The following RPS6KA2 variants were observed in gnomAD, a reference collection of about 807,000 sequenced individuals.
RPS6KA2 encodes ribosomal protein S6 kinase alpha-2.
RPS6KA2 carries 42 observed loss-of-function variants against 91.8 expected under a neutral mutation model. That is an observed-to-expected ratio of 0.46 (90% CI 0.36 to 0.59). RPS6KA2 has a LOEUF of 0.59. Among genes scored for constraint, RPS6KA2 ranks in the 20% least tolerant of loss-of-function variants. The pLI is 0.00. For synonymous variants in RPS6KA2, 414 were observed against 393.6 expected (o/e 1.05, Z -0.61); for missense variants, 798 against 978.5 (o/e 0.82, Z 2.46).
intron 2 of RPS6KA2, among the ~76,000 whole-genome samples, chr6:166,719,566 A>C (rs1304832943): frequency 1.3e-5 from 2 of 152,226 alleles, no homozygotes; most frequent in African/African-American, 2.4e-5. Context: ...CTATGAAAAT[A>C]CATCTATTTT....
Position 166,626,740 on chromosome 6 carries a change from A to G in RPS6KA2, c.99+181T>C, listed in dbSNP as rs1786894534. ...AGGACCCACGGACCGCCCAATTACT[A>G]CGGAGTCCCAGCGATAACGTTTGGA... On this transcript the variant is annotated intron_variant, in intron 1 of 20. Transcript: ENST00000265678. The surrounding 1 kb of genome is among the most constrained non-coding windows in gnomAD (Gnocchi z 4.1). Among the ~76,000 whole-genome samples, 1 of 151,942 alleles carries G rather than the reference A, an allele frequency of 6.6e-6. No individual in the cohort carries two copies. Among genetic ancestry groups the G allele is most frequent in the Admixed American group, 6.5e-5 (1 of 15,280 alleles).
chr6:166,470,614 T>C (rs1052905266), intron 10 of RPS6KA2, among the ~76,000 whole-genome samples: 2 of 152,164 alleles, frequency 1.3e-5, no homozygotes, highest in Non-Finnish European at 2.9e-5. Context: ...CATGATTCCC[T>C]AACGGTGGAT....
chr6:166,799,418 T>C lies in RPS6KA2; in HGVS notation c.123+58782A>G, dbSNP rs1311543206. Among the ~76,000 whole-genome samples the C allele has an allele frequency of 2.6e-5, 4 of 152,364 alleles. No individual in the cohort carries two copies. The East Asian group carries it at 5.8e-4, about 22-fold the overall frequency. On this transcript the variant is annotated intron_variant, in intron 2 of 21. Transcript: ENST00000503859. ...ATTTAAAAAATACATTCAATTTATA[T>C]ACAGATTTTTTACTGTAAGAATGTA...
chr6:166,823,434 AGTGTGTGTGTGTGTGTGT>A (rs56187218), intron 2 of RPS6KA2, among the ~76,000 whole-genome samples: 36 of 147,984 alleles, frequency 2.4e-4, no homozygotes, highest in South Asian at 4.3e-4. Flanking sequence ...TTGGTTTTGC[AGTGTGTGTGTGTGTGTGT>A]GTGTGTGTGT....
At chr6:166,496,365 T>A (rs59010370) in intron 8 of RPS6KA2, among the ~76,000 whole-genome samples, 6 of 83,898 alleles carry the variant, frequency 7.2e-5, no homozygotes, top group Non-Finnish European at 1.4e-4. Context: ...CAATAAAAAA[T>A]TAAAAAATAA....
intron 2 of RPS6KA2, among the ~76,000 whole-genome samples, chr6:166,534,115 G>A (rs1012841679): frequency 2.0e-5 from 3 of 151,014 alleles, no homozygotes; most frequent in Non-Finnish European, 4.4e-5. Context: ...TCAGCTACTC[G>A]AGAGGCTGAG....
intron 11 of RPS6KA2, among the ~76,000 whole-genome samples, chr6:166,460,314 C>T (rs1780232832): frequency 6.6e-6 from 1 of 152,256 alleles, no homozygotes; most frequent in South Asian, 2.1e-4. Context: ...CTTTCCAAAG[C>T]TGAGATGTGT....
In RPS6KA2 at chr6:166,451,170, G is replaced by A; in HGVS notation, c.1139C>T (p.Ala380Val). 1 of 1,614,126 alleles carries A rather than the reference G, an allele frequency of 6.2e-7. No homozygotes were observed. Among genetic ancestry groups the A allele is most frequent in the Non-Finnish European group, 8.5e-7 (1 of 1,180,012 alleles). Residue 380 changes from alanine to valine, a missense_variant, in exon 13 of 21, where the codon GCC becomes GTC. Ala to Val is a moderately conservative substitution (Grantham distance 64, BLOSUM62 0). Transcript: ENST00000265678. ...HHLFRGFSFV[A>V]SSLIQEPSQQ... Reference sequence around the variant, plus strand: ...TGAGGGCTCCTGGATCAGGCTTGAGGCCACAAAGCTGAATCCTCTAAACAG... The same window carrying A: ...TGAGGGCTCCTGGATCAGGCTTGAGACCACAAAGCTGAATCCTCTAAACAG...
intron 1 of RPS6KA2, among the ~76,000 whole-genome samples, chr6:166,572,071 TCA>T (rs1384272785): frequency 6.6e-6 from 1 of 152,192 alleles, no homozygotes; most frequent in Non-Finnish European, 1.5e-5. Flanking sequence ...ACTATAATAC[TCA>T]GTTTCATTTT....
chr6:166,734,299 T>A (rs530924975), intron 2 of RPS6KA2, among the ~76,000 whole-genome samples: 132 of 152,352 alleles, frequency 8.7e-4, no homozygotes, highest in Non-Finnish European at 1.7e-3. Flanking sequence ...AGCAGGGGTC[T>A]AAGATGTTGA....
intron 10 of RPS6KA2, among the ~76,000 whole-genome samples, chr6:166,480,027 C>T (rs1238828405): frequency 6.6e-6 from 1 of 152,116 alleles, no homozygotes; most frequent in Non-Finnish European, 1.5e-5. Flanking sequence ...TGGGTTTCAG[C>T]TTCCATATCT....
chr6:166,725,574 C>T (rs942759094), intron 2 of RPS6KA2, among the ~76,000 whole-genome samples: 1 of 152,092 alleles, frequency 6.6e-6, no homozygotes, highest in African/African-American at 2.4e-5. Context: ...GTGGGTGCCT[C>T]GAAGGGAGGT....
At position 166,731,587 on chromosome 6, in the gene RPS6KA2, T is replaced by C. The variant is rs116401408; in HGVS notation, c.123+126613A>G. On this transcript the variant is annotated intron_variant, in intron 2 of 21. Transcript: ENST00000503859. ...AATGACCTCTAGCTCTCCAGAAAGA[T>C]GCTTTGAAGACAAAGCAGGACAGAG... Among the ~76,000 whole-genome samples, 378 of 152,168 alleles carry C rather than the reference T, an allele frequency of 2.5e-3. 3 individuals are homozygous for C. Among genetic ancestry groups the C allele is most frequent in the African/African-American group, 8.8e-3 (364 of 41,512 alleles).
chr6:166,862,497 C>T, exon 1 of RPS6KA2: 1 of 648,180 alleles, frequency 1.5e-6, no homozygotes, highest in South Asian at 2.3e-5. Context: ...GCTGCGGCTT[C>T]GGAATCTGTA....
chr6:166,450,070 AC>A (rs1228453219), intron 13 of RPS6KA2, among the ~76,000 whole-genome samples: 3 of 94,762 alleles, frequency 3.2e-5, no homozygotes, highest in Non-Finnish European at 7.2e-5. Flanking sequence ...ACCGTAGGAG[AC>A]CATCATGGGT....
At position 166,538,701 on chromosome 6, in the gene RPS6KA2, C is replaced by G; in HGVS notation, c.183G>C (p.Leu61=). The change falls in exon 2 of 21, where the codon CTG becomes CTC. Residue 61 remains leucine, a synonymous_variant. Transcript: ENST00000265678. ...AGGATCCTTGTCCTAAAACCTTCAG[C>G]AGCTCAAACTGGGAAGGATCTGCCT... ...FEKADPSQFE[L]LKVLGQGSYG... is the part of the protein sequence containing the mutation. 6.2e-7 allele frequency: 1 copy of G among 1,610,444 alleles called. No homozygotes were observed. Among genetic ancestry groups the G allele is most frequent in the Non-Finnish European group, 8.5e-7 (1 of 1,176,758 alleles).
rs989243337 is a variant in RPS6KA2, at chr6:166,714,704, G to C, written c.123+143496C>G. ...AAGCAAAGAGAAGGGCCTGGAACAG[G>C]CTGTCCCTCCCCGCCTCAGCAGGAG... On this transcript the variant is annotated intron_variant, in intron 2 of 21. Transcript: ENST00000503859. Among the ~76,000 whole-genome samples, 4 of 152,206 alleles carry C rather than the reference G, an allele frequency of 2.6e-5. No individual in the cohort carries two copies. The East Asian group carries it at 5.8e-4, about 22-fold the overall frequency.
chr6:166,779,615 A>G (rs1778713275), intron 2 of RPS6KA2, among the ~76,000 whole-genome samples: 1 of 152,156 alleles, frequency 6.6e-6, no homozygotes, highest in African/African-American at 2.4e-5. Flanking sequence ...CAGGATCCAG[A>G]TCACACAGCC....
intron 2 of RPS6KA2, among the ~76,000 whole-genome samples, chr6:166,785,156 CT>C (rs1778897231): frequency 6.6e-6 from 1 of 152,218 alleles, no homozygotes; most frequent in African/African-American, 2.4e-5. Flanking sequence ...ATCCCATTTG[CT>C]TGTAAAGGCA....
Sources: gnomAD v4.1 joint callset for allele counts (sites outside exome capture counted in the v4.1 genomes callset) on GRCh38, gnomAD v4.1.1 for gene constraint, Gnocchi (gnomAD v3.1) non-coding constraint, MANE v1.5 for transcripts, NCBI Gene and HGNC (gene_info 2026-07-23, HGNC 2026-07-21) for gene names.